Variants in HUNK observed in about 807,000 individuals in gnomAD.
HUNK encodes hormonally up-regulated Neu-associated kinase, also known as hormonally up-regulated neu tumor-associated kinase.
A neutral mutation model predicts 61.0 loss-of-function variants in HUNK; 21 were observed. That is an observed-to-expected ratio of 0.34 (90% CI 0.24 to 0.50). The LOEUF (loss-of-function observed/expected upper bound fraction) is 0.50. Ranked by LOEUF, HUNK falls within the 20% of genes least tolerant of loss-of-function variation. The pLI is 0.98. For synonymous variants in HUNK, 371 were observed against 386.1 expected (o/e 0.96, Z 0.46); for missense variants, 772 against 945.7 (o/e 0.82, Z 2.41).
intron 7 of HUNK, among the ~76,000 whole-genome samples, chr21:31,983,245 G>C (rs13050579): frequency 0.14 from 21,212 of 152,208 alleles, 1,644 homozygotes; most frequent in Non-Finnish European, 0.18. Flanking sequence ...TAAAAGAACT[G>C]AGGCCCTGCA....
intron 8 of HUNK, 83 bp downstream of exon 8, chr21:31,983,692 C>A: frequency 1.1e-6 from 1 of 931,848 alleles, no homozygotes; most frequent in Non-Finnish European, 1.7e-6. Context: ...AAACCAATTA[C>A]TGTGGGACAC....
chr21:31,971,081 A>AT (rs11423136), intron 6 of HUNK, among the ~76,000 whole-genome samples: 148,472 of 151,854 alleles, frequency 0.98, 72,608 homozygotes, highest in East Asian at 1. Context: ...TTATTTATTT[A>AT]TTATTTATTT....
In HUNK at chr21:32,000,603, A is replaced by T. The variant is rs2053239614; in HGVS notation, c.*1419A>T. On this transcript the variant is annotated 3_prime_UTR_variant, in exon 11 of 11. Transcript: ENST00000270112. ...AATGGCCTGGAGTCTTCAACTTTTG[A>T]CCGGTGCAGGTGTGACCAGAGACCA... is the stretch of plus-strand genomic sequence containing the variant. 2.5e-6 allele frequency: 1 copy of T among 398,966 alleles called. No homozygotes were observed. Among genetic ancestry groups the T allele is most frequent in the South Asian group, 1.3e-4 (1 of 7,856 alleles). The allele number at this position is 398,966 out of a possible 1,614,324, so 24.7% of individuals were successfully genotyped here.
chr21:31,878,827 A>G (rs1270765828), intron 1 of HUNK, among the ~76,000 whole-genome samples: 1 of 152,246 alleles, frequency 6.6e-6, no homozygotes. Context: ...CAGGCAAACT[A>G]CAGAACAAGA....
At chr21:31,959,517 T>C (rs2052913251) in intron 5 of HUNK, among the ~76,000 whole-genome samples, 1 of 152,238 alleles carries the variant, frequency 6.6e-6, no homozygotes, top group Admixed American at 6.5e-5. Context: ...AAAAGTTCTC[T>C]CAAGCTTTAG....
intron 1 of HUNK, among the ~76,000 whole-genome samples, chr21:31,891,957 A>G (rs1268795133): frequency 6.6e-6 from 1 of 151,992 alleles, no homozygotes; most frequent in African/African-American, 2.4e-5. Context: ...TCCGTTACAT[A>G]ATGATTTAAC....
chr21:31,912,170 C>G (rs1036057061), intron 1 of HUNK, among the ~76,000 whole-genome samples: 1 of 152,164 alleles, frequency 6.6e-6, no homozygotes, highest in African/African-American at 2.4e-5. Flanking sequence ...CAGGTCCATG[C>G]TGGCCCTGTT....
chr21:31,907,631 T>C (rs890984035), intron 1 of HUNK, among the ~76,000 whole-genome samples: 2 of 152,034 alleles, frequency 1.3e-5, no homozygotes, highest in African/African-American at 4.8e-5. Context: ...CTGGAAGATA[T>C]AAAAAGTAGA....
intron 9 of HUNK, among the ~76,000 whole-genome samples, chr21:31,992,651 G>A (rs879019647): frequency 9.9e-5 from 15 of 152,220 alleles, no homozygotes; most frequent in Admixed American, 8.5e-4. Context: ...CAGCCTTGCC[G>A]TGTGAGGAGC....
intron 3 of HUNK, among the ~76,000 whole-genome samples, chr21:31,942,932 G>A (rs750318129): frequency 6.6e-6 from 1 of 152,104 alleles, no homozygotes; most frequent in African/African-American, 2.4e-5. Flanking sequence ...AGAAAGAACC[G>A]CATTTCCGGA....
intron 6 of HUNK, 104 bp downstream of exon 6, chr21:31,968,489 G>C (rs886876492): frequency 8.0e-6 from 11 of 1,381,666 alleles, no homozygotes; most frequent in Non-Finnish European, 1.1e-5. Flanking sequence ...AGGAAAAGCC[G>C]CGCTCTCTCT....
At chr21:31,996,684 G>A (rs1246375085) in intron 10 of HUNK, among the ~76,000 whole-genome samples, 1 of 152,170 alleles carries the variant, frequency 6.6e-6, no homozygotes, top group African/African-American at 2.4e-5. Flanking sequence ...TTACTGAGGG[G>A]GATGAGACAC....
intron 6 of HUNK, among the ~76,000 whole-genome samples, chr21:31,968,753 T>C (rs78327383): frequency 8.7e-6 from 1 of 115,548 alleles, no homozygotes; most frequent in Non-Finnish European, 2.0e-5. Flanking sequence ...TGTGTGTGTG[T>C]GAGAGAGAGA....
intron 4 of HUNK, among the ~76,000 whole-genome samples, chr21:31,947,267 G>A (rs111927383): frequency 1.6e-4 from 20 of 127,114 alleles, no homozygotes; most frequent in African/African-American, 3.4e-4. Flanking sequence ...AGTGGCGCCT[G>A]CGCATTCCCA....
intron 4 of HUNK, among the ~76,000 whole-genome samples, chr21:31,946,927 G>A (rs1170493543): frequency 6.6e-6 from 1 of 152,242 alleles, no homozygotes; most frequent in African/African-American, 2.4e-5. Context: ...CACTGGTGAT[G>A]CCTGGAATGT....
intron 1 of HUNK, among the ~76,000 whole-genome samples, chr21:31,922,292 C>T (rs2052627744): frequency 6.6e-6 from 1 of 150,400 alleles, no homozygotes; most frequent in African/African-American, 2.5e-5. Context: ...GCTGGGATTA[C>T]AGGCACAAGC....
intron 7 of HUNK, among the ~76,000 whole-genome samples, chr21:31,977,706 A>G (rs1163712475): frequency 6.6e-6 from 1 of 152,192 alleles, no homozygotes; most frequent in East Asian, 1.9e-4. Context: ...AAAACAAAAC[A>G]CAACAAAAAG....
rs551684571 is a variant in HUNK at position 31,995,871 on chromosome 21, C to T, written c.1409C>T (p.Ser470Leu). 2.8e-4 allele frequency: 444 copies of T among 1,614,026 alleles called. 1 individual carries two copies. The South Asian group carries it at 4.5e-3, about 16-fold the overall frequency. ...NLPSHKQPSG[S>L]LMTQIQNTKA... Reference sequence around the variant, plus strand: ...CCCTCGCACAAACAGCCCTCAGGCTCGCTTATGACACAGATTCAGAACACC... The same window carrying T: ...CCCTCGCACAAACAGCCCTCAGGCTTGCTTATGACACAGATTCAGAACACC... The change falls in exon 10 of 11, where the codon TCG (serine) becomes TTG (leucine). Residue 470 changes from serine to leucine, a missense_variant. Coordinates refer to ENST00000270112, the MANE Select transcript of HUNK (RefSeq NM_014586.2).
intron 2 of HUNK, among the ~76,000 whole-genome samples, chr21:31,934,158 A>G (rs2052716691): frequency 6.6e-6 from 1 of 151,942 alleles, no homozygotes; most frequent in Admixed American, 6.6e-5. Flanking sequence ...GGTCCATTAT[A>G]ATACACGAAT....
Sources: allele counts gnomAD v4.1 joint callset (sites outside exome capture counted in the v4.1 genomes callset), GRCh38; gene constraint gnomAD v4.1.1; transcripts MANE v1.5; gene names NCBI Gene and HGNC (gene_info 2026-07-23, HGNC 2026-07-21).